Variants in ZBTB49 observed in about 807,000 individuals in gnomAD.
ZBTB49 encodes the protein zinc finger and BTB domain-containing protein 49.
ZBTB49 carries 43 observed loss-of-function variants against 57.5 expected under a neutral mutation model. The observed-to-expected ratio is 0.75, with a 90% confidence interval of 0.59 to 0.97. The LOEUF (loss-of-function observed/expected upper bound fraction) is 0.97, where lower values mean the gene tolerates loss of function less well. ZBTB49 is among the 50% of genes least tolerant of loss of function. The probability of loss-of-function intolerance (pLI) is 0.00; values close to 1 mark genes in which losing one functional copy is unlikely to be tolerated. For synonymous variants in ZBTB49, 369 were observed against 362.1 expected, an observed-to-expected ratio of 1.02 and a Z score of -0.22; for missense variants, 938 against 947.7, an observed-to-expected ratio of 0.99 and a Z score of 0.13.
At chr4:4,292,401 C>G (rs757734413) in intron 1 of ZBTB49, among the ~76,000 whole-genome samples, 2 of 152,208 alleles carry the variant, frequency 1.3e-5, no homozygotes, top group Non-Finnish European at 2.9e-5. Context: ...CCTTCAGTGC[C>G]TAGCGCATAA....
rs146497279 is a variant in ZBTB49, at chr4:4,295,154, A to G, written c.-19-4773A>G. Among the ~76,000 whole-genome samples, 198 of 152,282 alleles carry G rather than the reference A, an allele frequency of 1.3e-3. 1 individual carries two copies. The highest frequency in any genetic ancestry group is 4.6e-3 in the African/African-American group (190 of 41,532). Reference sequence around the variant, plus strand: ...ATTATCACACTGCTATAAAGTTGCTACCTGAGACTGAGTAATTTATAAAGG... The same window carrying G: ...ATTATCACACTGCTATAAAGTTGCTGCCTGAGACTGAGTAATTTATAAAGG... On this transcript the variant is annotated intron_variant, in intron 1 of 7. Coordinates refer to ENST00000337872, the MANE Select transcript of ZBTB49 (RefSeq NM_145291.4).
chr4:4,312,030 A>C (rs574877527), intron 4 of ZBTB49, among the ~76,000 whole-genome samples: 2 of 152,270 alleles, frequency 1.3e-5, no homozygotes, highest in African/African-American at 4.8e-5. Flanking sequence ...ATTTTATTTA[A>C]AATGCAATTT....
chr4:4,295,892 C>G lies in ZBTB49; in HGVS notation c.-19-4035C>G, dbSNP rs56406475. 8.0e-3 allele frequency among the ~76,000 whole-genome samples: 1,213 copies of G among 152,288 alleles called. 16 individuals carry two copies. Among genetic ancestry groups the G allele is most frequent in the African/African-American group, 0.027 (1,124 of 41,542 alleles). ...TGATGGGGGATGAAATTTAGAGATT[C>G]TACATTGAAGGGGCATGCCATTGAA... On this transcript the variant is annotated intron_variant, in intron 1 of 7. Coordinates refer to ENST00000337872, the MANE Select transcript of ZBTB49 (RefSeq NM_145291.4).
At chr4:4,296,210 A>G (rs1322141432) in intron 1 of ZBTB49, among the ~76,000 whole-genome samples, 4 of 152,224 alleles carry the variant, frequency 2.6e-5, no homozygotes, top group Non-Finnish European at 5.9e-5. Context: ...GTGGCAGGAA[A>G]GCTGGAGAGG....
At chr4:4,299,778 TGTG>T (rs1560106250) in intron 1 of ZBTB49, 146 bp from the exon 2 acceptor site, 19,319 of 492,544 alleles carry the variant, frequency 0.039, 228 homozygotes, top group Middle Eastern at 0.061. Flanking sequence ...GAAACAGAGG[TGTG>T]TGTGTGTGTG....
intron 1 of ZBTB49, among the ~76,000 whole-genome samples, chr4:4,296,995 A>C (rs1376607747): frequency 2.0e-5 from 3 of 152,204 alleles, no homozygotes; most frequent in Non-Finnish European, 2.9e-5. Context: ...GGTGAGTGGG[A>C]AATTTGGAAC....
intron 1 of ZBTB49, 111 bp from the exon 2 acceptor site, chr4:4,299,810 TGAGAGA>T (rs1553803869): frequency 0.012 from 7,072 of 607,482 alleles, 205 homozygotes; most frequent in African/African-American, 0.074. Flanking sequence ...TGTGTGTGTG[TGAGAGA>T]GAAACTGTGA....
chr4:4,305,795 A>C (rs1720708857), intron 3 of ZBTB49, among the ~76,000 whole-genome samples: 2 of 152,160 alleles, frequency 1.3e-5, no homozygotes, highest in Non-Finnish European at 2.9e-5. Flanking sequence ...CAGGCTGAAG[A>C]ATAGGTGAGC....
At chr4:4,304,959 A>G (rs1355018516) in intron 3 of ZBTB49, among the ~76,000 whole-genome samples, 1 of 152,062 alleles carries the variant, frequency 6.6e-6, no homozygotes, top group Non-Finnish European at 1.5e-5. Context: ...AGGGGTCCTG[A>G]GGCCAAAAAG....
rs763948920 is a variant in ZBTB49, at chr4:4,302,193, A to G, written c.357A>G (p.Ser119=). Residue 119 remains serine (S), a synonymous_variant, in exon 3 of 8, where the codon TCA becomes TCG. Transcript: ENST00000337872. ...GTCTGTGTCACACATTTTTAAAATCAGCCACTGTAGTACAGCCACCTGGCA... is the reference window on the plus strand; with the variant it reads ...GTCTGTGTCACACATTTTTAAAATCGGCCACTGTAGTACAGCCACCTGGCA... ...VLSLCHTFLK[S]ATVVQPPGMP... is the part of the protein sequence containing the mutation. 4 of 1,614,274 alleles carry G rather than the reference A, an allele frequency of 2.5e-6. No individual in the cohort carries two copies. Among genetic ancestry groups the G allele is most frequent in the Non-Finnish European group, 3.4e-6 (4 of 1,180,046 alleles).
chr4:4,294,915 G>GTGTGTGTT (rs1720121395), intron 1 of ZBTB49, among the ~76,000 whole-genome samples: 1 of 143,176 alleles, frequency 7.0e-6, no homozygotes, highest in African/African-American at 2.8e-5. Flanking sequence ...GTGTGTGTGT[G>GTGTGTGTT]TTTAATGTCT....
chr4:4,319,132 A>G (rs1000133948), intron 7 of ZBTB49, among the ~76,000 whole-genome samples: 11 of 151,920 alleles, frequency 7.2e-5, no homozygotes, highest in African/African-American at 1.5e-4. Flanking sequence ...AGCTCAAGCA[A>G]TCCTCCCTCC....
chr4:4,316,154 A>C (rs761668321), intron 7 of ZBTB49, among the ~76,000 whole-genome samples, 184 bp downstream of exon 7: 4 of 151,974 alleles, frequency 2.6e-5, no homozygotes, highest in Non-Finnish European at 5.9e-5. Context: ...CTTGTCTTTG[A>C]GGTATTAGGA....
At chr4:4,305,986 G>C (rs778111045) in intron 3 of ZBTB49, 152 bp from the exon 4 acceptor site, 4 of 597,370 alleles carry the variant, frequency 6.7e-6, no homozygotes, top group Non-Finnish European at 1.2e-5. Flanking sequence ...AGGCAAGAGA[G>C]AAATATAAGG....
chr4:4,294,685 A>G (rs892574280), intron 1 of ZBTB49, among the ~76,000 whole-genome samples: 1 of 152,142 alleles, frequency 6.6e-6, no homozygotes, highest in African/African-American at 2.4e-5. Flanking sequence ...TAAATTGTGT[A>G]ACAGTTAATA....
At chr4:4,290,524 A>G (rs917941157) in intron 1 of ZBTB49, among the ~76,000 whole-genome samples, 172 bp downstream of exon 1, 5 of 152,222 alleles carry the variant, frequency 3.3e-5, no homozygotes, top group Non-Finnish European at 5.9e-5. Flanking sequence ...TGCGAGAGTC[A>G]GCGAGCATTT....
chr4:4,292,221 C>T (rs926377008), intron 1 of ZBTB49, among the ~76,000 whole-genome samples: 2 of 152,136 alleles, frequency 1.3e-5, no homozygotes, highest in Admixed American at 6.5e-5. Flanking sequence ...GTGGAGGTTG[C>T]ACTGAGCCGA....
chr4:4,292,987 A>C (rs940257800), intron 1 of ZBTB49, among the ~76,000 whole-genome samples: 1 of 152,080 alleles, frequency 6.6e-6, no homozygotes, highest in African/African-American at 2.4e-5. Context: ...CATTCATACC[A>C]TCTTTCCACC....
intron 7 of ZBTB49, among the ~76,000 whole-genome samples, chr4:4,318,615 A>G (rs1721282036): frequency 6.6e-6 from 1 of 152,190 alleles, no homozygotes; most frequent in South Asian, 2.1e-4. Flanking sequence ...CTCAAAAACA[A>G]AAACAAAAAA....
Sources: allele counts gnomAD v4.1 joint callset (sites outside exome capture counted in the v4.1 genomes callset), GRCh38; gene constraint gnomAD v4.1.1; transcripts MANE v1.5; gene names NCBI Gene and HGNC (gene_info 2026-07-23, HGNC 2026-07-21).